The following SGSM1 variants were observed in gnomAD, a reference collection of about 807,000 sequenced individuals.
SGSM1 encodes the protein RUN and TBC1 domain containing 2.
A neutral mutation model predicts 133.8 loss-of-function variants in SGSM1; 73 were observed. That is an observed-to-expected ratio of 0.55 (90% CI 0.45 to 0.66). The LOEUF is 0.66. SGSM1 is among the 30% of genes least tolerant of loss of function. SGSM1 has a pLI of 0.00. For missense variants in SGSM1, 1,213 were observed against 1,448.1 expected (o/e 0.84, Z 2.64); for synonymous variants, 563 against 573.0 (o/e 0.98, Z 0.25).
chr22:24,861,039 C>T (rs1931121697), intron 9 of SGSM1, among the ~76,000 whole-genome samples: 1 of 145,156 alleles, frequency 6.9e-6, no homozygotes, highest in South Asian at 2.2e-4. Context: ...TTTCAAGAAA[C>T]ATCAGGCCTT....
rs961761364 is a variant in SGSM1 at position 24,926,277 on chromosome 22, C to T, written c.*2003C>T. 6.6e-6 allele frequency: 1 copy of T among 152,186 alleles called. No individual in the cohort carries two copies. The highest frequency in any genetic ancestry group is 2.4e-5 in the African/African-American group (1 of 41,442). 9.4% of individuals were successfully genotyped at this position (152,186 alleles called of 1,614,324 possible). ...ATAGAGGTCTAGCCAGCCCTTACTT[C>T]CTGAAGAGAGCTCTGTGGGAAACTC... On this transcript the variant is annotated 3_prime_UTR_variant, in exon 25 of 25. Coordinates refer to ENST00000400358, the MANE Select transcript of SGSM1 (RefSeq NM_001098497.3).
Position 24,926,627 on chromosome 22 carries a change from G to GGTTGT in SGSM1, c.*2355_*2359dup, listed in dbSNP as rs1386333622. 1.3e-5 allele frequency: 2 copies of GGTTGT among 152,094 alleles called. No homozygotes were observed. The highest frequency in any genetic ancestry group is 4.8e-5 in the African/African-American group (2 of 41,412). The allele number at this position is 152,094 out of a possible 1,614,324, so 9.4% of individuals were successfully genotyped here. A position where few individuals can be genotyped will look rare whatever the true frequency, so the allele number is the denominator to read the frequency against. ...TTGTGATGTTCCAGAGAGCATCTGT[G>GGTTGT]GTTGTGATTTGGAATAAGTCATATT... On this transcript the variant is annotated 3_prime_UTR_variant, in exon 25 of 25. Coordinates refer to ENST00000400358, the MANE Select transcript of SGSM1 (RefSeq NM_001098497.3).
At chr22:24,875,759 A>G (rs1248147303) in intron 12 of SGSM1, among the ~76,000 whole-genome samples, 1 of 152,180 alleles carries the variant, frequency 6.6e-6, no homozygotes, top group Non-Finnish European at 1.5e-5. Flanking sequence ...TGTCCCCAGT[A>G]TGTTTGTTAC....
intron 2 of SGSM1, among the ~76,000 whole-genome samples, chr22:24,807,391 T>C (rs1927469175): frequency 2.0e-5 from 3 of 152,128 alleles, no homozygotes; most frequent in Non-Finnish European, 2.9e-5. Context: ...TGTGTGTCTT[T>C]GTATCTGTTT....
At chr22:24,825,996 C>T (rs1305450150) in intron 2 of SGSM1, among the ~76,000 whole-genome samples, 1 of 150,254 alleles carries the variant, frequency 6.7e-6, no homozygotes, top group African/African-American at 2.5e-5. Flanking sequence ...TTATTTAGAC[C>T]TACTGTGTGC....
At chr22:24,906,826 C>T (rs1933399316) in intron 21 of SGSM1, among the ~76,000 whole-genome samples, 1 of 152,072 alleles carries the variant, frequency 6.6e-6, no homozygotes, top group South Asian at 2.1e-4. Flanking sequence ...TGGCGCATGC[C>T]TCTAATTCCA....
chr22:24,853,670 C>T (rs1417918376), intron 5 of SGSM1, among the ~76,000 whole-genome samples: 1 of 151,626 alleles, frequency 6.6e-6, no homozygotes, highest in African/African-American at 2.4e-5. Flanking sequence ...GCAGTGGCGC[C>T]ATCTTGGCTC....
intron 18 of SGSM1, among the ~76,000 whole-genome samples, chr22:24,896,626 GGT>G (rs1491237826): frequency 7.1e-5 from 10 of 141,156 alleles, no homozygotes; most frequent in African/African-American, 2.8e-4. Context: ...TTTGTTTTTT[GGT>G]TTTTTTTTTT....
At chr22:24,897,949 G>T (rs1932964522) in intron 18 of SGSM1, 23 bp from the exon 19 acceptor site, 1 of 1,561,060 alleles carries the variant, frequency 6.4e-7, no homozygotes, top group South Asian at 1.2e-5. Context: ...CGGTCCATCT[G>T]TTTTTGTGCA....
In SGSM1 at chr22:24,886,497, A is replaced by G; in HGVS notation, c.1642-103A>G. The G allele has an allele frequency of 2.1e-6, 3 of 1,414,916 alleles. No homozygotes were observed. The South Asian group carries it at 4.2e-5, about 20-fold the overall frequency. 87.6% of individuals were successfully genotyped at this position (1,414,916 alleles called of 1,614,324 possible). On this transcript the variant is annotated intron_variant, in intron 15 of 24. Transcript: ENST00000400358. The stretch of plus-strand genomic sequence containing the variant: ...GGCGGGCAGATCACTGAAGGTCAGG[A>G]GTTCAAGACCAATCTGGCCAACATG...
At chr22:24,876,477 T>A (rs1349612908) in intron 12 of SGSM1, 100 bp from the exon 13 acceptor site, 2 of 1,476,396 alleles carry the variant, frequency 1.4e-6, no homozygotes, top group East Asian at 4.6e-5. Context: ...ATCTCTGTGC[T>A]GGCTGGGGCG....
intron 16 of SGSM1, among the ~76,000 whole-genome samples, chr22:24,890,972 A>G (rs549987789): frequency 3.9e-5 from 6 of 152,372 alleles, no homozygotes; most frequent in African/African-American, 1.4e-4. Context: ...TATCCCTGCC[A>G]TAAACGAGAA....
chr22:24,817,502 G>C (rs1169497984), intron 2 of SGSM1, among the ~76,000 whole-genome samples: 2 of 152,054 alleles, frequency 1.3e-5, no homozygotes, highest in Admixed American at 6.6e-5. Flanking sequence ...ACAGGTGCCT[G>C]CAACCACGCC....
intron 2 of SGSM1, among the ~76,000 whole-genome samples, chr22:24,838,979 C>T (rs919088481): frequency 4.0e-5 from 6 of 148,894 alleles, no homozygotes; most frequent in South Asian, 4.2e-4. Context: ...TTAAATCTGT[C>T]GATTACTTTG....
intron 2 of SGSM1, among the ~76,000 whole-genome samples, chr22:24,825,667 TGATC>T (rs1478259465): frequency 3.9e-5 from 6 of 152,078 alleles, no homozygotes; most frequent in African/African-American, 1.4e-4. Flanking sequence ...TGACCTCAGG[TGATC>T]CACCCGCCTC....
chr22:24,806,624 A>G, intron 2 of SGSM1, 140 bp downstream of exon 2: 4 of 1,017,456 alleles, frequency 3.9e-6, no homozygotes, highest in Non-Finnish European at 5.4e-6. Flanking sequence ...GTGGGCATTG[A>G]CCTCCCGCAG....
At chr22:24,839,932 C>CTTTTTTTTTTTTTT (rs758631851) in intron 2 of SGSM1, among the ~76,000 whole-genome samples, 1 of 106,480 alleles carries the variant, frequency 9.4e-6, no homozygotes, top group Non-Finnish European at 1.8e-5. Flanking sequence ...AACCATCTCT[C>CTTTTTTTTTTTTTT]TTTTTTTTTT....
chr22:24,839,035 A>G (rs1361485104), intron 2 of SGSM1, among the ~76,000 whole-genome samples: 1 of 152,064 alleles, frequency 6.6e-6, no homozygotes, highest in African/African-American at 2.4e-5. Flanking sequence ...AACCATAAAC[A>G]GAGGATGCCT....
At chr22:24,899,776 C>T (rs1290761375) in intron 19 of SGSM1, among the ~76,000 whole-genome samples, 1 of 152,038 alleles carries the variant, frequency 6.6e-6, no homozygotes, top group Non-Finnish European at 1.5e-5. Context: ...CTGCCTTGGC[C>T]TCCCAAAGTG....
Sources: gnomAD v4.1 joint callset for allele counts (sites outside exome capture counted in the v4.1 genomes callset) on GRCh38, gnomAD v4.1.1 for gene constraint, MANE v1.5 for transcripts, NCBI Gene and HGNC (gene_info 2026-07-23, HGNC 2026-07-21) for gene names.